NRG3: variants seen among roughly 807,000 people sequenced by gnomAD.
NRG3 encodes neuregulin 3.
NRG3 carries 31 observed loss-of-function variants against 66.9 expected under a neutral mutation model. That is an observed-to-expected ratio of 0.46 (90% CI 0.35 to 0.63). The LOEUF (loss-of-function observed/expected upper bound fraction) is 0.63, where lower values mean the gene tolerates loss of function less well. NRG3 is among the 20% of genes least tolerant of loss of function. The pLI is 0.00. For missense variants in NRG3, 910 were observed against 878.9 expected (o/e 1.04, Z -0.45); for synonymous variants, 393 against 359.4 (o/e 1.09, Z -1.06).
chr10:82,655,906 C>A (rs1386663735), intron 2 of NRG3, among the ~76,000 whole-genome samples: 1 of 152,124 alleles, frequency 6.6e-6, no homozygotes, highest in Non-Finnish European at 1.5e-5. Context: ...GTAAAATTTT[C>A]TCATTCATTT....
At chr10:82,180,209 TTTC>T (rs994410311) in intron 1 of NRG3, among the ~76,000 whole-genome samples, 1 of 151,770 alleles carries the variant, frequency 6.6e-6, no homozygotes, top group Admixed American at 6.6e-5. Flanking sequence ...GATTATTTTA[TTTC>T]TTTTCATTTT....
intron 4 of NRG3, among the ~76,000 whole-genome samples, chr10:82,884,822 G>C (rs1383206776): frequency 6.6e-6 from 1 of 152,128 alleles, no homozygotes; most frequent in Non-Finnish European, 1.5e-5. Flanking sequence ...TAGTGTTCTT[G>C]CTGTTGCCAC....
At chr10:82,367,401 T>C (rs1417118545) in intron 2 of NRG3, among the ~76,000 whole-genome samples, 1 of 152,164 alleles carries the variant, frequency 6.6e-6, no homozygotes, top group African/African-American at 2.4e-5. Flanking sequence ...TACTGGAGTG[T>C]TTTTATAGCC....
chr10:82,409,665 A>G (rs188345775), intron 2 of NRG3, among the ~76,000 whole-genome samples: 3 of 152,242 alleles, frequency 2.0e-5, no homozygotes, highest in Admixed American at 6.5e-5. Flanking sequence ...CGTTAGCCCA[A>G]AACTTAGTGG....
At chr10:82,172,684 G>C (rs2072723191) in intron 1 of NRG3, among the ~76,000 whole-genome samples, 1 of 152,010 alleles carries the variant, frequency 6.6e-6, no homozygotes, top group Non-Finnish European at 1.5e-5. Flanking sequence ...CTCCATGCCT[G>C]GGGTCATGCC....
At chr10:82,076,099 T>G (rs1429847572) in intron 1 of NRG3, among the ~76,000 whole-genome samples, 1 of 152,024 alleles carries the variant, frequency 6.6e-6, no homozygotes, top group Non-Finnish European at 1.5e-5. Context: ...TCTTGGCCAA[T>G]GGAGTACTGG....
intron 1 of NRG3, among the ~76,000 whole-genome samples, chr10:82,245,178 G>A (rs2077180481): frequency 1.3e-5 from 2 of 152,166 alleles, no homozygotes; most frequent in African/African-American, 2.4e-5. Context: ...GTGGGGGATG[G>A]GAGGCAGTGA....
At chr10:82,869,147 G>C (rs1014351634) in intron 4 of NRG3, among the ~76,000 whole-genome samples, 1 of 152,212 alleles carries the variant, frequency 6.6e-6, no homozygotes, top group African/African-American at 2.4e-5. Context: ...TCAGTTTATT[G>C]TTGTGCCAAC....
intron 1 of NRG3, among the ~76,000 whole-genome samples, chr10:82,277,918 C>A (rs2078934530): frequency 6.6e-6 from 1 of 152,048 alleles, no homozygotes; most frequent in Non-Finnish European, 1.5e-5. Context: ...CTTTGGAGAG[C>A]TTTGGAGGAG....
chr10:82,269,969 G>A (rs1476235467), intron 1 of NRG3, among the ~76,000 whole-genome samples: 1 of 152,116 alleles, frequency 6.6e-6, no homozygotes, highest in Non-Finnish European at 1.5e-5. Context: ...AAGTCTCTCT[G>A]ATTCCTCTTC....
chr10:82,209,092 C>T (rs543902850), intron 1 of NRG3, among the ~76,000 whole-genome samples: 4 of 152,242 alleles, frequency 2.6e-5, no homozygotes, highest in African/African-American at 9.6e-5. Flanking sequence ...TCAAGAATCA[C>T]AAAGCTAACA....
At chr10:82,650,162 G>C (rs546927228) in intron 2 of NRG3, among the ~76,000 whole-genome samples, 1 of 152,060 alleles carries the variant, frequency 6.6e-6, no homozygotes, top group African/African-American at 2.4e-5. Flanking sequence ...AAAATATTAC[G>C]CTTCTTCTTT....
intron 1 of NRG3, among the ~76,000 whole-genome samples, chr10:82,069,286 C>T (rs146705866): frequency 4.9e-4 from 74 of 152,176 alleles, no homozygotes; most frequent in African/African-American, 1.6e-3. Context: ...ACTGCATGCA[C>T]GAGGTACCAG....
Position 82,889,545 on chromosome 10 carries a change from A to G in NRG3, c.1054+24108A>G, listed in dbSNP as rs569892047. On this transcript the variant is annotated intron_variant, in intron 4 of 8. Coordinates refer to ENST00000372141, the MANE Select transcript of NRG3 (RefSeq NM_001010848.4). ...AGGCGGTAAATATCACTCAGTTTACATAGATAGATCACATGGAAATTCCAA... is the reference window on the plus strand; with the variant it reads ...AGGCGGTAAATATCACTCAGTTTACGTAGATAGATCACATGGAAATTCCAA... Among the ~76,000 whole-genome samples the G allele has an allele frequency of 7.2e-5, 11 of 152,354 alleles. No homozygotes were observed. The South Asian group carries it at 1.7e-3, about 23-fold the overall frequency.
chr10:82,292,122 A>G (rs1390293946), intron 1 of NRG3, among the ~76,000 whole-genome samples: 5 of 152,186 alleles, frequency 3.3e-5, no homozygotes, highest in Admixed American at 2.6e-4. Context: ...TCAAAACTCA[A>G]CAGTTAAAAC....
chr10:82,158,101 A>G (rs2071315649), intron 1 of NRG3, among the ~76,000 whole-genome samples: 1 of 151,718 alleles, frequency 6.6e-6, no homozygotes, highest in South Asian at 2.1e-4. Context: ...TTTAATAGAA[A>G]GGGGATATTT....
intron 4 of NRG3, among the ~76,000 whole-genome samples, chr10:82,917,116 T>TA (rs1845913346): frequency 6.6e-6 from 1 of 152,216 alleles, no homozygotes; most frequent in African/African-American, 2.4e-5. Flanking sequence ...AATTGAGCTT[T>TA]AAAAGACTTT....
At chr10:82,624,548 A>G (rs144818309) in intron 2 of NRG3, among the ~76,000 whole-genome samples, 2 of 152,178 alleles carry the variant, frequency 1.3e-5, no homozygotes, top group East Asian at 3.9e-4. Context: ...GACTTATGAA[A>G]CTGGAAACGT....
At chr10:81,947,594 C>T (rs1269758830) in intron 1 of NRG3, among the ~76,000 whole-genome samples, 3 of 151,790 alleles carry the variant, frequency 2.0e-5, no homozygotes, top group Admixed American at 6.6e-5. Flanking sequence ...TAATTTGACC[C>T]GAAAGCCCCA....
Sources: allele counts gnomAD v4.1 joint callset (sites outside exome capture counted in the v4.1 genomes callset), GRCh38; gene constraint gnomAD v4.1.1; transcripts MANE v1.5; gene names NCBI Gene and HGNC (gene_info 2026-07-23, HGNC 2026-07-21).